MIGA2: variants seen among roughly 807,000 people sequenced by gnomAD.
MIGA2 encodes the protein mitoguardin 2, also known as family with sequence similarity 73, member B.
A neutral mutation model predicts 69.9 loss-of-function variants in MIGA2; 36 were observed. That is an observed-to-expected ratio of 0.52 (90% CI 0.39 to 0.68). The LOEUF (loss-of-function observed/expected upper bound fraction) is 0.68, where lower values mean the gene tolerates loss of function less well. Ranked by LOEUF, MIGA2 falls within the 30% of genes least tolerant of loss-of-function variation. The pLI, the probability that MIGA2 is intolerant of heterozygous loss-of-function variation, is 0.00. For synonymous variants in MIGA2, 333 were observed against 349.2 expected (o/e 0.95, Z 0.52); for missense variants, 660 against 787.7 (o/e 0.84, Z 1.94).
At chr9:129,046,211 G>T (rs531007493) in intron 3 of MIGA2, among the ~76,000 whole-genome samples, 1 of 152,224 alleles carries the variant, frequency 6.6e-6, no homozygotes, top group East Asian at 1.9e-4. Context: ...GAGACACTCA[G>T]GCAGCCTAAT....
At chr9:129,054,063 CAT>C (rs1721125853) in intron 6 of MIGA2, among the ~76,000 whole-genome samples, 1 of 152,080 alleles carries the variant, frequency 6.6e-6, no homozygotes, top group Non-Finnish European at 1.5e-5. Flanking sequence ...ATATAATTCA[CAT>C]AGCATCTAAA....
intron 6 of MIGA2, 21 bp downstream of exon 6, chr9:129,049,984 C>A: frequency 6.3e-7 from 1 of 1,596,772 alleles, no homozygotes; most frequent in Non-Finnish European, 8.5e-7. Context: ...TTCTGCATCC[C>A]CCTACGCCCA....
rs1195752944 is a variant in MIGA2 at position 129,070,434 on chromosome 9, C to A, written c.1763C>A (p.Pro588His). ...VNGALPRENG[P>H]LGELQ ...GGGGCGCTGCCCCGAGAGAATGGGC[C>A]CCTGGGGGAGCTGCAGTAGAGGCGG... The change falls in exon 16 of 16, where the codon CCC becomes CAC. Residue 588 changes from proline to histidine, a missense_variant. Pro to His is a moderately conservative substitution (Grantham distance 77). Around this residue, in one of 3 missense-constraint regions of MIGA2, gnomAD observed 220 missense variants for 301.7 expected, o/e 0.73. Transcript: ENST00000684074. The A allele has an allele frequency of 1.9e-6, 3 of 1,590,080 alleles. No homozygotes were observed. The African/African-American group carries it at 4.0e-5, about 21-fold the overall frequency.
chr9:129,049,726 C>T (rs2131357616), intron 5 of MIGA2, 101 bp from the exon 6 acceptor site: 1 of 1,578,880 alleles, frequency 6.3e-7, no homozygotes, highest in Non-Finnish European at 8.6e-7. Context: ...CCACCCAGTT[C>T]TTGCCCTTCA....
intron 12 of MIGA2, 23 bp downstream of exon 12, chr9:129,067,894 C>T (rs775115715): frequency 6.2e-7 from 1 of 1,600,478 alleles, no homozygotes. Flanking sequence ...GTGCTGAACC[C>T]CGACATCCCG....
intron 6 of MIGA2, among the ~76,000 whole-genome samples, chr9:129,050,240 T>C (rs113363999): frequency 1.3e-5 from 2 of 152,258 alleles, no homozygotes; most frequent in Admixed American, 6.6e-5. Flanking sequence ...GCGCCTCTGT[T>C]GAGGGTTGGC....
rs1008181450 is a variant in MIGA2, at chr9:129,061,500, C to T, written c.1010+154C>T. Among the ~76,000 whole-genome samples the T allele has an allele frequency of 2.0e-5, 3 of 152,158 alleles. No individual in the cohort carries two copies. The highest frequency in any genetic ancestry group is 7.2e-5 in the African/African-American group (3 of 41,436). ...CCGTGGTGAGCTGGTGACAGCTCCT[C>T]CCCCAGCTGCAGAGGGCCTGGATGG... On this transcript the variant is annotated intron_variant, in intron 9 of 15. Transcript: ENST00000684074. This position sits in a 1 kb window ranked among gnomAD's most constrained non-coding sequence, Gnocchi z 5.0.
intron 6 of MIGA2, among the ~76,000 whole-genome samples, chr9:129,052,604 G>A (rs778729861): frequency 2.0e-5 from 3 of 152,152 alleles, no homozygotes; most frequent in Non-Finnish European, 4.4e-5. Context: ...TGGCAGCGGA[G>A]GTAGAAGGAG....
chr9:129,064,392 A>C (rs1010178011), intron 11 of MIGA2, among the ~76,000 whole-genome samples: 2 of 151,770 alleles, frequency 1.3e-5, no homozygotes, highest in African/African-American at 4.8e-5. Flanking sequence ...TATTTTTAGT[A>C]GAGACAGGGT....
intron 5 of MIGA2, 79 bp downstream of exon 5, chr9:129,049,577 T>C (rs954897116): frequency 2.1e-6 from 3 of 1,443,098 alleles, no homozygotes; most frequent in Non-Finnish European, 2.9e-6. Flanking sequence ...TGGCCAGTCT[T>C]GGGTCACTTT....
intron 11 of MIGA2, 60 bp from the exon 12 acceptor site, chr9:129,067,713 G>A (rs1588417342): frequency 6.6e-7 from 1 of 1,510,340 alleles, no homozygotes; most frequent in Non-Finnish European, 9.0e-7. Context: ...CCATCCACAG[G>A]CCAGCCTGTC....
intron 10 of MIGA2, 101 bp downstream of exon 10, chr9:129,063,417 C>A: frequency 6.5e-7 from 1 of 1,538,992 alleles, no homozygotes; most frequent in Non-Finnish European, 8.9e-7. Flanking sequence ...CCTGGCCAGG[C>A]CTGCTCCCAC....
Position 129,070,644 on chromosome 9 carries a change from C to A in MIGA2, c.*191C>A, listed in dbSNP as rs1392853133. On this transcript the variant is annotated 3_prime_UTR_variant, in exon 16 of 16. Coordinates refer to ENST00000684074, the MANE Select transcript of MIGA2 (RefSeq NM_001329990.2). ...TTCCTGGGGGAAGCAGAGGCCAGGA[C>A]CAGTGGGGCCTGTGGGAGAGAAAGG... The A allele has an allele frequency of 1.6e-5, 10 of 608,138 alleles. No homozygotes were observed. In the East Asian group the frequency reaches 2.2e-4, roughly 14 times the overall value. The allele number at this position is 608,138 out of a possible 1,614,324, so 37.7% of individuals were successfully genotyped here.
Position 129,060,322 on chromosome 9 carries a change from G to C in MIGA2, c.794-228G>C, listed in dbSNP as rs1166497164. On this transcript the variant is annotated intron_variant, in intron 7 of 15. Coordinates refer to ENST00000684074, the MANE Select transcript of MIGA2 (RefSeq NM_001329990.2). The surrounding 1 kb of genome is among the most constrained non-coding windows in gnomAD (Gnocchi z 4.8). ...CCGAGGGCTCACACCTGAGGCTGAC[G>C]ACCTCCGAGGATGTCGTGGGTGTTG... Among the ~76,000 whole-genome samples, 2 of 152,214 alleles carry C rather than the reference G, an allele frequency of 1.3e-5. No homozygotes were observed. Among genetic ancestry groups the C allele is most frequent in the Non-Finnish European group, 2.9e-5 (2 of 68,046 alleles).
Position 129,059,105 on chromosome 9 carries a change from C to A in MIGA2, c.676-49C>A. ...TGGGGGTGAGGGAAGGGGCCATTTT[C>A]ATCGGGAGCTTTGAGGGTCTGGGTT... On this transcript the variant is annotated intron_variant, in intron 6 of 15. Transcript: ENST00000684074. This position sits in a 1 kb window ranked among gnomAD's most constrained non-coding sequence, Gnocchi z 5.6. 6.4e-7 allele frequency: 1 copy of A among 1,560,060 alleles called. No individual in the cohort carries two copies. Among genetic ancestry groups the A allele is most frequent in the East Asian group, 2.3e-5 (1 of 44,342 alleles).
rs372703145 is a variant in MIGA2, at chr9:129,068,380, G to T, written c.1404+48G>T. On this transcript the variant is annotated intron_variant, in intron 13 of 15. Coordinates refer to ENST00000684074, the MANE Select transcript of MIGA2 (RefSeq NM_001329990.2). The surrounding 1 kb of genome is among the most constrained non-coding windows in gnomAD (Gnocchi z 4.1). ...GACCCACACTTGCTCACATCAGCCC[G>T]TGTGGTTGCCTGGCTCCGTCCCCTC... 8 of 1,595,916 alleles carry T rather than the reference G, an allele frequency of 5.0e-6. No homozygotes were observed. The highest frequency in any genetic ancestry group is 6.8e-6 in the Non-Finnish European group (8 of 1,178,226).
intron 6 of MIGA2, among the ~76,000 whole-genome samples, chr9:129,051,739 G>A (rs988601581): frequency 1.3e-5 from 2 of 151,124 alleles, no homozygotes; most frequent in African/African-American, 4.9e-5. Flanking sequence ...TGGGACTACA[G>A]GTGCCTGCCA....
rs1564621142 is a variant in MIGA2 at position 129,068,038 on chromosome 9, T to C, written c.1270-160T>C. On this transcript the variant is annotated intron_variant, in intron 12 of 15. Coordinates refer to ENST00000684074, the MANE Select transcript of MIGA2 (RefSeq NM_001329990.2). This position sits in a 1 kb window ranked among gnomAD's most constrained non-coding sequence, Gnocchi z 4.1. ...CCCCAGGCCAAGGCAGAGGGAGGAA[T>C]GGCCTCAGCTACACCCGTTGCACAG... 2 of 1,263,852 alleles carry C rather than the reference T, an allele frequency of 1.6e-6. No individual in the cohort carries two copies. The highest frequency in any genetic ancestry group is 2.3e-6 in the Non-Finnish European group (2 of 885,386). 78.3% of individuals were successfully genotyped at this position (1,263,852 alleles called of 1,614,324 possible).
At chr9:129,067,560 A>C (rs557534104) in intron 11 of MIGA2, 5 of 572,594 alleles carry the variant, frequency 8.7e-6, no homozygotes, top group Non-Finnish European at 1.6e-5. Context: ...GCAGGTGCTC[A>C]GCAGAGGAGC....
Sources: allele counts gnomAD v4.1 joint callset (sites outside exome capture counted in the v4.1 genomes callset), GRCh38; gene constraint gnomAD v4.1.1; regional missense constraint gnomAD v4.1.1; non-coding constraint Gnocchi (gnomAD v3.1); transcripts MANE v1.5; gene names NCBI Gene and HGNC (gene_info 2026-07-23, HGNC 2026-07-21).